Variants in FAM171A1 observed in about 807,000 individuals in gnomAD.
FAM171A1 encodes the protein protein FAM171A1.
Under a neutral mutation model 74.9 loss-of-function variants are expected in FAM171A1, and 23 were observed. The ratio of observed to expected loss-of-function variants is 0.31; its 90% CI spans 0.22 to 0.44. The LOEUF (loss-of-function observed/expected upper bound fraction) is 0.44. Ranked by LOEUF, FAM171A1 falls within the 20% of genes least tolerant of loss-of-function variation. The pLI, the probability that FAM171A1 is intolerant of heterozygous loss-of-function variation, is 1.00. For missense variants in FAM171A1, 1,162 were observed against 1,159.2 expected (o/e 1.00, Z -0.03); for synonymous variants, 527 against 505.7 (o/e 1.04, Z -0.57).
chr10:15,219,787 A>T (rs867574144), intron 6 of FAM171A1, among the ~76,000 whole-genome samples: 17 of 152,160 alleles, frequency 1.1e-4, no homozygotes, highest in Non-Finnish European at 2.5e-4. Context: ...TCACCATGTT[A>T]GCCAGGATGG....
In FAM171A1 at chr10:15,213,187, A is replaced by G; in HGVS notation, c.2401T>C (p.Cys801Arg). Residue 801 changes from cysteine to arginine, a missense_variant, in exon 8 of 8, where the codon TGT (cysteine) becomes CGT (arginine). Transcript: ENST00000378116. This position sits in a 1 kb window ranked among gnomAD's most constrained non-coding sequence, Gnocchi z 6.8. ...LDDVEQSGSE[C>R]GTTVCTPEDS... ...TCGGGGGTACAGACCGTGGTCCCAC[A>G]TTCGCTACCACTCTGTTCCACGTCA... The G allele has an allele frequency of 6.2e-7, 1 of 1,614,042 alleles. No individual in the cohort carries two copies. Among genetic ancestry groups the G allele is most frequent in the Non-Finnish European group, 8.5e-7 (1 of 1,180,014 alleles).
At chr10:15,240,220 G>C in intron 5 of FAM171A1, among the ~76,000 whole-genome samples, 1 of 152,068 alleles carries the variant, frequency 6.6e-6, no homozygotes, top group African/African-American at 2.4e-5. Flanking sequence ...AATTAGCCTG[G>C]TGTGGTGGCA....
intron 1 of FAM171A1, among the ~76,000 whole-genome samples, chr10:15,326,924 C>T (rs892292611): frequency 4.6e-5 from 7 of 152,126 alleles, no homozygotes; most frequent in East Asian, 1.9e-4. Flanking sequence ...CACGACACTC[C>T]GGCTACAATT....
chr10:15,254,782 G>A lies in FAM171A1; in HGVS notation c.516C>T (p.Ala172=), dbSNP rs142231326. Residue 172 remains alanine (A), a synonymous_variant, in exon 4 of 8, where the codon GCC becomes GCT. Coordinates refer to ENST00000378116, the MANE Select transcript of FAM171A1 (RefSeq NM_001010924.2). ...AACTGTCCACCTCCGAAGGGGAGCTGGCGGCCGTGAGAAACGCGGTCAGGT... is the reference window on the plus strand; with the variant it reads ...AACTGTCCACCTCCGAAGGGGAGCTAGCGGCCGTGAGAAACGCGGTCAGGT... ...YSDLTAFLTA[A]SSPSEVDSFP... 19 of 1,614,090 alleles carry A rather than the reference G, an allele frequency of 1.2e-5. No individual in the cohort carries two copies. The Admixed American group carries it at 1.8e-4, about 16-fold the overall frequency.
At chr10:15,258,644 G>A (rs1235682691) in intron 3 of FAM171A1, among the ~76,000 whole-genome samples, 2 of 152,112 alleles carry the variant, frequency 1.3e-5, no homozygotes, top group African/African-American at 2.4e-5. Context: ...CCTTGGAGAC[G>A]TCGACTGTGT....
chr10:15,238,733 G>A (rs564301606), intron 5 of FAM171A1, among the ~76,000 whole-genome samples: 2 of 152,274 alleles, frequency 1.3e-5, no homozygotes, highest in South Asian at 2.1e-4. Context: ...AGCCTGACAC[G>A]AATGCATCGT....
intron 1 of FAM171A1, among the ~76,000 whole-genome samples, chr10:15,366,302 T>A (rs1442079241): frequency 6.6e-6 from 1 of 152,110 alleles, no homozygotes; most frequent in African/African-American, 2.4e-5. Context: ...GTATTTTTAA[T>A]AGAGATGAGG....
intron 1 of FAM171A1, among the ~76,000 whole-genome samples, chr10:15,313,626 C>T (rs10752365): frequency 0.3 from 45,660 of 152,028 alleles, 8,439 homozygotes; most frequent in East Asian, 0.67. Context: ...GTTTGTAACT[C>T]GTGAGTTTTT....
intron 5 of FAM171A1, among the ~76,000 whole-genome samples, chr10:15,236,251 G>T (rs1231904384): frequency 1.4e-5 from 2 of 146,870 alleles, no homozygotes; most frequent in East Asian, 4.0e-4. Context: ...AAACAGTAAG[G>T]CTTTCCTGTA....
At chr10:15,260,600 T>C (rs1035434455) in intron 3 of FAM171A1, among the ~76,000 whole-genome samples, 7 of 152,202 alleles carry the variant, frequency 4.6e-5, no homozygotes, top group African/African-American at 1.7e-4. Context: ...TTCTGTGAAA[T>C]GCATGGCACT....
intron 1 of FAM171A1, among the ~76,000 whole-genome samples, chr10:15,321,338 C>A (rs1182316506): frequency 6.6e-6 from 1 of 152,162 alleles, no homozygotes; most frequent in Non-Finnish European, 1.5e-5. Flanking sequence ...TCTTGAGAAA[C>A]AAGCTGTGTT....
intron 1 of FAM171A1, among the ~76,000 whole-genome samples, chr10:15,319,978 A>G (rs932553445): frequency 6.6e-6 from 1 of 152,182 alleles, no homozygotes; most frequent in Non-Finnish European, 1.5e-5. Context: ...TCCAATTGTT[A>G]TTTTAGCTTC....
At chr10:15,341,539 A>G (rs1032023983) in intron 1 of FAM171A1, among the ~76,000 whole-genome samples, 10 of 152,268 alleles carry the variant, frequency 6.6e-5, no homozygotes, top group African/African-American at 1.9e-4. Context: ...GATCGGATCC[A>G]TGGAATTATT....
chr10:15,338,464 T>C (rs1835728472), intron 1 of FAM171A1, among the ~76,000 whole-genome samples: 1 of 152,230 alleles, frequency 6.6e-6, no homozygotes, highest in African/African-American at 2.4e-5. Context: ...ATGATTTGTT[T>C]TGACAACTTT....
intron 1 of FAM171A1, among the ~76,000 whole-genome samples, chr10:15,326,303 A>G (rs1835554314): frequency 6.6e-6 from 1 of 151,360 alleles, no homozygotes; most frequent in Admixed American, 6.6e-5. Context: ...AGAGTTTCCC[A>G]CAATCCCACA....
At chr10:15,264,018 G>C (rs1834704886) in intron 3 of FAM171A1, among the ~76,000 whole-genome samples, 1 of 151,980 alleles carries the variant, frequency 6.6e-6, no homozygotes, top group African/African-American at 2.4e-5. Flanking sequence ...TTGCTCTGTT[G>C]CCCAGGCTGG....
In FAM171A1 at chr10:15,213,678, G is replaced by A; in HGVS notation, c.1910C>T (p.Pro637Leu). 1 of 1,613,308 alleles carries A rather than the reference G, an allele frequency of 6.2e-7. No homozygotes were observed. Residue 637 changes from proline (P) to leucine (L), a missense_variant, in exon 8 of 8, where the codon CCC becomes CTC. Coordinates refer to ENST00000378116, the MANE Select transcript of FAM171A1 (RefSeq NM_001010924.2). The surrounding 1 kb of genome is among the most constrained non-coding windows in gnomAD (Gnocchi z 6.8). ...CTGAGAGATGGCCTGGGAAGACAGG[G>A]GCTGGGGCTGGATCTGTGAGGACGG... ...PHPSSQIQPQ[P>L]LSSQAISQQH...
chr10:15,223,311 G>A (rs1834063232), intron 5 of FAM171A1, among the ~76,000 whole-genome samples: 2 of 152,322 alleles, frequency 1.3e-5, no homozygotes, highest in African/African-American at 2.4e-5. Context: ...CTTACACGTC[G>A]TATCCCCTCC....
intron 2 of FAM171A1, among the ~76,000 whole-genome samples, chr10:15,278,397 C>T (rs1440951289): frequency 2.0e-5 from 3 of 152,174 alleles, no homozygotes; most frequent in Non-Finnish European, 2.9e-5. Context: ...TCCACTCCTA[C>T]GTATAAACCC....
Sources: allele counts gnomAD v4.1 joint callset (sites outside exome capture counted in the v4.1 genomes callset), GRCh38; gene constraint gnomAD v4.1.1; non-coding constraint Gnocchi (gnomAD v3.1); transcripts MANE v1.5; gene names NCBI Gene and HGNC (gene_info 2026-07-23, HGNC 2026-07-21).